The following GAD2 variants were observed in gnomAD, a reference collection of about 807,000 sequenced individuals.
The protein encoded by GAD2 is glutamate decarboxylase 2, also known as 65 kDa glutamic acid decarboxylase.
GAD2 carries 22 observed loss-of-function variants against 80.1 expected under a neutral mutation model. The observed-to-expected ratio is 0.27, with a 90% confidence interval of 0.20 to 0.39. The LOEUF (loss-of-function observed/expected upper bound fraction) is 0.39, where lower values mean the gene tolerates loss of function less well. Ranked by LOEUF, GAD2 falls within the 10% of genes least tolerant of loss-of-function variation. The pLI, the probability that GAD2 is intolerant of heterozygous loss-of-function variation, is 1.00. For missense variants in GAD2, 624 were observed against 738.4 expected (o/e 0.85, Z 1.80); for synonymous variants, 274 against 256.9 (o/e 1.07, Z -0.64).
At chr10:26,268,483 A>AC (rs1430315109) in intron 8 of GAD2, among the ~76,000 whole-genome samples, 1 of 151,834 alleles carries the variant, frequency 6.6e-6, no homozygotes, top group East Asian at 1.9e-4. Context: ...AAAAAAAAAA[A>AC]AATGTTTCTC....
chr10:26,275,289 C>T (rs1845186316), intron 11 of GAD2, among the ~76,000 whole-genome samples: 1 of 152,182 alleles, frequency 6.6e-6, no homozygotes, highest in African/African-American at 2.4e-5. Context: ...TGTTACTTTA[C>T]CTTTGATGCC....
chr10:26,282,544 G>A (rs2132313105), intron 12 of GAD2, among the ~76,000 whole-genome samples: 1 of 151,888 alleles, frequency 6.6e-6, no homozygotes, highest in African/African-American at 2.4e-5. Flanking sequence ...ATTATATTGT[G>A]AGCATTATCT....
At chr10:26,222,771 A>G (rs898056709) in intron 4 of GAD2, among the ~76,000 whole-genome samples, 1 of 152,222 alleles carries the variant, frequency 6.6e-6, no homozygotes, top group Non-Finnish European at 1.5e-5. Flanking sequence ...AGTGCAGGAG[A>G]TAAGCTAGCC....
chr10:26,263,185 C>T (rs1330582), intron 8 of GAD2, among the ~76,000 whole-genome samples: 31,126 of 152,054 alleles, frequency 0.2, 3,370 homozygotes, highest in East Asian at 0.31. Context: ...ATATCCTTCT[C>T]TTATAACCTG....
At chr10:26,222,184 G>A (rs1461384099) in intron 4 of GAD2, among the ~76,000 whole-genome samples, 4 of 152,124 alleles carry the variant, frequency 2.6e-5, no homozygotes, top group South Asian at 2.1e-4. Flanking sequence ...CAATGAAAGC[G>A]TCAAACCTGT....
At chr10:26,240,122 T>C (rs1844722036) in intron 7 of GAD2, among the ~76,000 whole-genome samples, 1 of 152,220 alleles carries the variant, frequency 6.6e-6, no homozygotes, top group Non-Finnish European at 1.5e-5. Context: ...GAAACCGGCA[T>C]GCCAAGATTC....
chr10:26,264,178 C>T (rs554072558), intron 8 of GAD2, among the ~76,000 whole-genome samples: 33 of 152,236 alleles, frequency 2.2e-4, no homozygotes, highest in African/African-American at 7.5e-4. Context: ...TCTTATGTAA[C>T]CCTCATACAA....
chr10:26,264,339 G>A (rs1366373046), intron 8 of GAD2, among the ~76,000 whole-genome samples: 2 of 142,274 alleles, frequency 1.4e-5, no homozygotes, highest in Admixed American at 7.1e-5. Flanking sequence ...TTGAGACAGA[G>A]TCTCGCTCTG....
intron 6 of GAD2, among the ~76,000 whole-genome samples, chr10:26,225,984 A>T (rs1844517074): frequency 6.6e-6 from 1 of 152,116 alleles, no homozygotes; most frequent in Non-Finnish European, 1.5e-5. Context: ...GGGTACAGAG[A>T]TCCACATCAT....
chr10:26,272,372 C>G (rs890353800), intron 10 of GAD2, among the ~76,000 whole-genome samples: 2 of 152,170 alleles, frequency 1.3e-5, no homozygotes, highest in Middle Eastern at 3.2e-3. Context: ...TGTCCTGAGC[C>G]AGCAGAAGCT....
rs1298343991 is a variant in GAD2, at chr10:26,217,451, T to G, written c.77-159T>G. Among the ~76,000 whole-genome samples, 3 of 152,114 alleles carry G rather than the reference T, an allele frequency of 2.0e-5. No homozygotes were observed. Among genetic ancestry groups the G allele is most frequent in the African/African-American group, 7.2e-5 (3 of 41,428 alleles). On this transcript the variant is annotated intron_variant, in intron 1 of 15. Transcript: ENST00000376261. The surrounding 1 kb of genome is among the most constrained non-coding windows in gnomAD (Gnocchi z 4.9). ...GGCCGCCAGCCTCCCGCTTGCCTTCTGCACCTGCCGGCCTCACCGAGTCCT... is the reference window on the plus strand; with the variant it reads ...GGCCGCCAGCCTCCCGCTTGCCTTCGGCACCTGCCGGCCTCACCGAGTCCT...
intron 7 of GAD2, among the ~76,000 whole-genome samples, chr10:26,234,340 A>C (rs1844644056): frequency 1.0e-5 from 1 of 100,172 alleles, no homozygotes; most frequent in African/African-American, 3.2e-5. Flanking sequence ...AAAAAAGACA[A>C]AAAAAAAAAA....
intron 3 of GAD2, among the ~76,000 whole-genome samples, chr10:26,218,551 T>TCTCACACACACACACACACACA (rs748110324): frequency 5.9e-5 from 7 of 118,862 alleles, no homozygotes; most frequent in East Asian, 5.5e-4. Flanking sequence ...TCTCTCTCTC[T>TCTCACACACACACACACACACA]CACACACACA....
chr10:26,248,729 A>G (rs1452961972), intron 8 of GAD2, among the ~76,000 whole-genome samples: 2 of 152,170 alleles, frequency 1.3e-5, no homozygotes, highest in Non-Finnish European at 2.9e-5. Flanking sequence ...AGGTTAAAGA[A>G]GCTTACCACT....
chr10:26,294,911 T>C (rs1474127783), intron 15 of GAD2, among the ~76,000 whole-genome samples: 1 of 152,214 alleles, frequency 6.6e-6, no homozygotes, highest in Non-Finnish European at 1.5e-5. Context: ...AACAATGACT[T>C]ATTTAACCAG....
At chr10:26,250,418 C>T (rs1417039455) in intron 8 of GAD2, among the ~76,000 whole-genome samples, 1 of 152,158 alleles carries the variant, frequency 6.6e-6, no homozygotes, top group African/African-American at 2.4e-5. Flanking sequence ...ACATACACCC[C>T]TTGGGAGAGA....
At chr10:26,272,835 G>A (rs1331888160) in intron 10 of GAD2, among the ~76,000 whole-genome samples, 1 of 152,192 alleles carries the variant, frequency 6.6e-6, no homozygotes, top group African/African-American at 2.4e-5. Flanking sequence ...TTGCACTCCA[G>A]CCTGGGCAAC....
rs1385248676 is a variant in GAD2 at position 26,303,748 on chromosome 10, A to G, written c.*2787A>G. The G allele has an allele frequency of 6.6e-6, 1 of 152,196 alleles. No individual in the cohort carries two copies. The highest frequency in any genetic ancestry group is 1.5e-5 in the Non-Finnish European group (1 of 68,046). 9.4% of individuals were successfully genotyped at this position (152,196 alleles called of 1,614,324 possible). On this transcript the variant is annotated 3_prime_UTR_variant, in exon 16 of 16. Transcript: ENST00000376261. ...TATGGACTTCATATACTGCCACAGG[A>G]TGTGAGGAAAGAAAAGGAAATCAAT...
intron 8 of GAD2, among the ~76,000 whole-genome samples, chr10:26,253,829 GC>G (rs1029044869): frequency 1.3e-5 from 2 of 152,026 alleles, no homozygotes; most frequent in African/African-American, 4.8e-5. Flanking sequence ...AAGAGAAGAG[GC>G]AAAAATGTCC....
Sources: gnomAD v4.1 joint callset for allele counts (sites outside exome capture counted in the v4.1 genomes callset) on GRCh38, gnomAD v4.1.1 for gene constraint, Gnocchi (gnomAD v3.1) non-coding constraint, MANE v1.5 for transcripts, NCBI Gene and HGNC (gene_info 2026-07-23, HGNC 2026-07-21) for gene names.